The following TRPM6 variants were observed in gnomAD, a reference collection of about 807,000 sequenced individuals.
The protein encoded by TRPM6 is channel kinase 2.
TRPM6 carries 111 observed loss-of-function variants against 247.6 expected under a neutral mutation model. That is an observed-to-expected ratio of 0.45 (90% confidence interval 0.38 to 0.52). The LOEUF (loss-of-function observed/expected upper bound fraction) is 0.52. TRPM6 is among the 20% of genes least tolerant of loss of function. TRPM6 has a pLI of 0.00. For missense variants in TRPM6, 2,126 were observed against 2,421.5 expected (o/e 0.88, Z 2.56); for synonymous variants, 892 against 853.8 (o/e 1.04, Z -0.78).
chr9:74,788,774 A>T (rs749009361), intron 19 of TRPM6, 32 bp from the exon 20 acceptor site: 1 of 1,611,498 alleles, frequency 6.2e-7, no homozygotes, highest in Non-Finnish European at 8.5e-7. Flanking sequence ...CCCAGATGTG[A>T]GTGAGAGCAA....
Position 74,762,676 on chromosome 9 carries a change from G to T in TRPM6, c.3995C>A (p.Ser1332Tyr). The T allele has an allele frequency of 6.2e-7, 1 of 1,614,158 alleles. No homozygotes were observed. The highest frequency in any genetic ancestry group is 8.5e-7 in the Non-Finnish European group (1 of 1,180,034). ...TQSSIVVSGV[S>Y]PNRQAHSKYG... ...CTTTGAGTGTGCTTGCCTGTTAGGA[G>T]ACACCCCAGAAACCACTATACTACT... The change falls in exon 26 of 39, where the codon TCT becomes TAT. Residue 1332 changes from serine to tyrosine, a missense_variant. This residue lies in a region of TRPM6 where 717 missense variants were observed against 715.9 expected (regional missense o/e 1.00). Transcript: ENST00000360774.
At chr9:74,852,016 G>T (rs1041360356) in intron 3 of TRPM6, among the ~76,000 whole-genome samples, 1 of 151,552 alleles carries the variant, frequency 6.6e-6, no homozygotes, top group Admixed American at 6.6e-5. Context: ...TGCCAGGAGG[G>T]GGGTAGCTAC....
At position 74,827,850 on chromosome 9, in the gene TRPM6, C is replaced by G; in HGVS notation, c.769G>C (p.Gly257Arg). 6.2e-7 allele frequency: 1 copy of G among 1,614,018 alleles called. No individual in the cohort carries two copies. Among genetic ancestry groups the G allele is most frequent in the South Asian group, 1.1e-5 (1 of 91,070 alleles). ...AGCTTCATTTCATTTCCATACTTGC[C>G]CACGGTCCCATCATCAGACAGGATG... ...HFILSDDGTV[G>R]KYGNEMKLRR... is the part of the protein sequence containing the mutation. Residue 257 changes from glycine to arginine, a missense_variant, in exon 7 of 39, where the codon GGC becomes CGC. Gly to Arg is a moderately radical substitution (Grantham distance 125). This residue lies in a region of TRPM6 where 1,082 missense variants were observed against 1,307.9 expected (regional missense o/e 0.83). Transcript: ENST00000360774.
chr9:74,860,350 T>A (rs990425452), intron 1 of TRPM6, among the ~76,000 whole-genome samples: 17 of 152,036 alleles, frequency 1.1e-4, no homozygotes, highest in South Asian at 4.1e-4. Flanking sequence ...ATTTTTATTT[T>A]TTTATTTTTT....
At chr9:74,873,927 A>T (rs1831107829) in intron 1 of TRPM6, among the ~76,000 whole-genome samples, 1 of 151,986 alleles carries the variant, frequency 6.6e-6, no homozygotes, top group East Asian at 1.9e-4. Flanking sequence ...GAGGAAAAAG[A>T]TGTTTTAATA....
At chr9:74,846,400 G>A (rs1256270452) in intron 3 of TRPM6, among the ~76,000 whole-genome samples, 3 of 151,874 alleles carry the variant, frequency 2.0e-5, no homozygotes, top group African/African-American at 7.3e-5. Flanking sequence ...TTATTTTAAA[G>A]TTCTTGCTAT....
intron 28 of TRPM6, among the ~76,000 whole-genome samples, chr9:74,753,780 T>A (rs1349390031): frequency 6.6e-6 from 1 of 152,114 alleles, no homozygotes; most frequent in East Asian, 1.9e-4. Context: ...CTTTTTCAAT[T>A]AATTATTAAC....
At chr9:74,801,793 C>A (rs549585007) in intron 16 of TRPM6, 105 bp downstream of exon 16, 4 of 1,393,548 alleles carry the variant, frequency 2.9e-6, no homozygotes, top group Non-Finnish European at 4.0e-6. Flanking sequence ...AAATGCATGG[C>A]GGTAAGTCCA....
rs200629945 is a variant in TRPM6, at chr9:74,762,181, C to T, written c.4490G>A (p.Ser1497Asn). The change falls in exon 26 of 39, where the codon AGC (serine) becomes AAC (asparagine). Residue 1497 changes from serine (S) to asparagine (N), a missense_variant. Physicochemically the swap from Ser to Asn is conservative, Grantham distance 46. Transcript: ENST00000360774. ...SEQHQKQAQD[S>N]SLSDNSTRSA... ...TCTTGTTGAGTTATCAGATAGGGAG[C>T]TGTCCTGGGCCTGCTTCTGGTGCTG... is the stretch of plus-strand genomic sequence containing the variant. 5.4e-5 allele frequency: 87 copies of T among 1,614,100 alleles called. No homozygotes were observed. The highest frequency in any genetic ancestry group is 7.0e-5 in the Non-Finnish European group (83 of 1,180,028).
intron 1 of TRPM6, among the ~76,000 whole-genome samples, chr9:74,886,920 T>C (rs913335031): frequency 1.3e-4 from 20 of 152,228 alleles, no homozygotes; most frequent in African/African-American, 4.1e-4. Flanking sequence ...TGAAATGAGC[T>C]AACGTTTGCT....
At chr9:74,882,085 A>G (rs558542331) in intron 1 of TRPM6, among the ~76,000 whole-genome samples, 5 of 152,324 alleles carry the variant, frequency 3.3e-5, no homozygotes, top group African/African-American at 9.6e-5. Flanking sequence ...CAAGACTTCA[A>G]CTATAAAGAT....
chr9:74,734,830 C>T (rs1448943685), intron 36 of TRPM6, among the ~76,000 whole-genome samples: 1 of 152,110 alleles, frequency 6.6e-6, no homozygotes, highest in African/African-American at 2.4e-5. Context: ...AAACTTTATA[C>T]CCCTAAACCC....
intron 19 of TRPM6, among the ~76,000 whole-genome samples, chr9:74,789,291 AT>A (rs1366052780): frequency 6.6e-6 from 1 of 151,822 alleles, no homozygotes; most frequent in East Asian, 1.9e-4. Context: ...CAATATTTAT[AT>A]CTTCAGCACT....
intron 38 of TRPM6, 62 bp from the exon 39 acceptor site, chr9:74,724,808 C>G: frequency 4.4e-6 from 7 of 1,606,978 alleles, no homozygotes; most frequent in Non-Finnish European, 6.0e-6. Flanking sequence ...TTCATGAAGA[C>G]AAATGGGACT....
chr9:74,726,911 T>C (rs940996866), intron 38 of TRPM6, among the ~76,000 whole-genome samples: 1 of 152,188 alleles, frequency 6.6e-6, no homozygotes, highest in African/African-American at 2.4e-5. Context: ...AGCTTGGCTG[T>C]GCACTAATCT....
At chr9:74,809,385 G>C (rs982429125) in intron 13 of TRPM6, among the ~76,000 whole-genome samples, 9 of 152,114 alleles carry the variant, frequency 5.9e-5, no homozygotes, top group Non-Finnish European at 1.2e-4. Context: ...GTTGAACAAG[G>C]TCTCCGAAAT....
intron 14 of TRPM6, chr9:74,804,374 C>A (rs1828457603): frequency 2.1e-6 from 1 of 483,522 alleles, no homozygotes; most frequent in Non-Finnish European, 3.7e-6. Flanking sequence ...CCAATAACAA[C>A]ACAACTCATT....
At position 74,810,887 on chromosome 9, in the gene TRPM6, GGAA is replaced by G. The variant is rs764429182; in HGVS notation, c.1444-22_1444-20del. The G allele has an allele frequency of 6.8e-6, 11 of 1,607,748 alleles. No homozygotes were observed. The African/African-American group carries it at 1.2e-4, about 18-fold the overall frequency. ...CTTGTTTCTGAAATAAAGAACAAAA[GGAA>G]GAATTATTCTCTTTAATTACCATGT... On this transcript the variant is annotated intron_variant, in intron 12 of 38. Coordinates refer to ENST00000360774, the MANE Select transcript of TRPM6 (RefSeq NM_017662.5).
At chr9:74,879,845 G>A (rs1831306126) in intron 1 of TRPM6, among the ~76,000 whole-genome samples, 1 of 152,120 alleles carries the variant, frequency 6.6e-6, no homozygotes, top group Non-Finnish European at 1.5e-5. Flanking sequence ...TAAGTTCTGT[G>A]AGCCGCCCCA....
Sources: allele counts gnomAD v4.1 joint callset (sites outside exome capture counted in the v4.1 genomes callset), GRCh38; gene constraint gnomAD v4.1.1; regional missense constraint gnomAD v4.1.1; transcripts MANE v1.5; gene names NCBI Gene and HGNC (gene_info 2026-07-23, HGNC 2026-07-21).